Variants in DNAH3 observed in about 807,000 individuals in gnomAD.
DNAH3 encodes axonemal beta dynein heavy chain 3.
DNAH3 carries 332 observed loss-of-function variants against 432.5 expected under a neutral mutation model. The ratio of observed to expected loss-of-function variants is 0.77; its 90% CI spans 0.70 to 0.84. The LOEUF (loss-of-function observed/expected upper bound fraction) is 0.84. Among genes scored for constraint, DNAH3 ranks in the 40% least tolerant of loss-of-function variants. DNAH3 has a pLI of 0.00. For synonymous variants in DNAH3, 1,956 were observed against 1,900.2 expected (o/e 1.03, Z -0.76); for missense variants, 4,861 against 5,114.0 (o/e 0.95, Z 1.51).
intron 3 of DNAH3, among the ~76,000 whole-genome samples, chr16:21,144,814 CAGGAGTAAAAAT>C: frequency 6.6e-6 from 1 of 152,036 alleles, no homozygotes; most frequent in East Asian, 1.9e-4. Flanking sequence ...GATCAGAATC[CAGGAGTAAAAAT>C]TTCACTCCAG....
chr16:21,088,923 C>G (rs181733121), intron 18 of DNAH3, among the ~76,000 whole-genome samples: 6 of 152,164 alleles, frequency 3.9e-5, no homozygotes, highest in African/African-American at 1.4e-4. Context: ...CAATTAACCA[C>G]GTCTGCCTAT....
At chr16:20,959,235 G>C in exon 54 of DNAH3, 1 of 1,614,128 alleles carries the variant, frequency 6.2e-7, no homozygotes, top group African/African-American at 1.3e-5. Flanking sequence ...TCTTCTCCAG[G>C]GTAGGCATCC....
intron 52 of DNAH3, 49 bp from the exon 53 acceptor site, chr16:20,965,474 G>C: frequency 6.9e-7 from 1 of 1,440,970 alleles, no homozygotes; most frequent in South Asian, 1.6e-5. Flanking sequence ...TTCTGGCCAA[G>C]ACTTAAAATT....
exon 7 of DNAH3, chr16:21,134,431 T>G: frequency 6.2e-7 from 1 of 1,614,008 alleles, no homozygotes; most frequent in Non-Finnish European, 8.5e-7. Flanking sequence ...TTTCTCTCCA[T>G]TGGGTCCATG....
intron 38 of DNAH3, among the ~76,000 whole-genome samples, chr16:21,026,769 T>C (rs2088585232): frequency 7.4e-6 from 1 of 136,032 alleles, no homozygotes; most frequent in Admixed American, 7.6e-5. Flanking sequence ...TGGAGGAGGG[T>C]GAGGATGGAA....
At chr16:20,990,972 G>T (rs537027210) in intron 44 of DNAH3, among the ~76,000 whole-genome samples, 1 of 152,118 alleles carries the variant, frequency 6.6e-6, no homozygotes, top group Non-Finnish European at 1.5e-5. Flanking sequence ...AGTGAGCCGA[G>T]ATTGTGCCAC....
chr16:21,140,838 A>G, intron 4 of DNAH3, 128 bp from the exon 6 acceptor site: 1 of 750,542 alleles, frequency 1.3e-6, no homozygotes, highest in Non-Finnish European at 2.2e-6. Context: ...GTGTCATCTA[A>G]TGGCATGTGT....
At chr16:21,144,838 C>T (rs114572051) in intron 3 of DNAH3, among the ~76,000 whole-genome samples, 300 of 152,196 alleles carry the variant, frequency 2.0e-3, no homozygotes, top group African/African-American at 6.9e-3. Flanking sequence ...TCACTCCAGG[C>T]CAGGCACAGT....
chr16:21,067,928 T>C (rs1262227243), intron 23 of DNAH3, among the ~76,000 whole-genome samples: 1 of 151,870 alleles, frequency 6.6e-6, no homozygotes, highest in Non-Finnish European at 1.5e-5. Flanking sequence ...TGGCCTTGGG[T>C]TCCATGAGAC....
intron 33 of DNAH3, among the ~76,000 whole-genome samples, chr16:21,038,247 T>A (rs1269363089): frequency 6.6e-6 from 1 of 152,202 alleles, no homozygotes; most frequent in East Asian, 1.9e-4. Flanking sequence ...ATGCCTGTGA[T>A]CTCAGCACTT....
exon 53 of DNAH3, chr16:20,963,528 C>T (rs780603265): frequency 1.4e-5 from 22 of 1,613,810 alleles, no homozygotes; most frequent in South Asian, 9.9e-5. Flanking sequence ...GGGGCCAGGC[C>T]GAGTCATAGA....
intron 33 of DNAH3, among the ~76,000 whole-genome samples, chr16:21,039,077 C>T (rs2089303574): frequency 6.6e-6 from 1 of 152,076 alleles, no homozygotes; most frequent in African/African-American, 2.4e-5. Flanking sequence ...AGACACTGAT[C>T]CGTGTATAAC....
chr16:21,114,632 A>G (rs2092145744), intron 12 of DNAH3, among the ~76,000 whole-genome samples: 1 of 152,220 alleles, frequency 6.6e-6, no homozygotes, highest in African/African-American at 2.4e-5. Context: ...CAAAAGACAC[A>G]TGAAAAAATG....
intron 28 of DNAH3, among the ~76,000 whole-genome samples, chr16:21,052,350 T>A (rs2089989743): frequency 6.6e-6 from 1 of 152,180 alleles, no homozygotes; most frequent in Non-Finnish European, 1.5e-5. Flanking sequence ...GGCAGCAATA[T>A]CTGTTAGAAG....
At chr16:20,963,555 C>T in exon 53 of DNAH3, 1 of 1,614,074 alleles carries the variant, frequency 6.2e-7, no homozygotes, top group Non-Finnish European at 8.5e-7. Context: ...TCCATTCACC[C>T]AGGTTCTGTT....
chr16:21,120,486 A>G, intron 11 of DNAH3: 1 of 556,924 alleles, frequency 1.8e-6, no homozygotes, highest in Non-Finnish European at 3.2e-6. Flanking sequence ...TGCCATTCTT[A>G]AAGATTTTTC....
At chr16:20,997,256 G>A (rs754876144) in intron 44 of DNAH3, 27 bp downstream of exon 44, 2 of 1,606,664 alleles carry the variant, frequency 1.2e-6, no homozygotes, top group South Asian at 2.2e-5. Context: ...TGGAGGGAAA[G>A]AGGAATGAGC....
intron 15 of DNAH3, among the ~76,000 whole-genome samples, chr16:21,105,299 A>G (rs921034081): frequency 2.6e-5 from 4 of 152,200 alleles, no homozygotes; most frequent in Non-Finnish European, 4.4e-5. Flanking sequence ...TTTCAGATAG[A>G]AAATGGCTTG....
intron 41 of DNAH3, among the ~76,000 whole-genome samples, chr16:21,017,252 G>C (rs1468982216): frequency 6.6e-6 from 1 of 152,188 alleles, no homozygotes; most frequent in African/African-American, 2.4e-5. Context: ...CTAATGGATT[G>C]ATACAGAGAC....
Sources: gnomAD v4.1 joint callset for allele counts (sites outside exome capture counted in the v4.1 genomes callset) on GRCh38, gnomAD v4.1.1 for gene constraint, MANE v1.5 for transcripts, NCBI Gene and HGNC (gene_info 2026-07-23, HGNC 2026-07-21) for gene names.